Variants in TMEM181 observed in about 807,000 individuals in gnomAD.
TMEM181 encodes G protein-coupled receptor 178.
In TMEM181, 39 loss-of-function variants were observed where a neutral mutation model predicts 71.9. The ratio of observed to expected loss-of-function variants is 0.54; its 90% CI spans 0.42 to 0.71. The LOEUF (loss-of-function observed/expected upper bound fraction) is 0.71, where lower values mean the gene tolerates loss of function less well. TMEM181 is among the 30% of genes least tolerant of loss of function. The probability of loss-of-function intolerance (pLI) is 0.00; values close to 1 mark genes in which losing one functional copy is unlikely to be tolerated. For synonymous variants in TMEM181, 245 were observed against 228.8 expected (o/e 1.07, Z -0.64); for missense variants, 595 against 583.0 (o/e 1.02, Z -0.21).
chr6:158,579,618 C>G (rs1783359298), intron 2 of TMEM181, among the ~76,000 whole-genome samples: 1 of 151,980 alleles, frequency 6.6e-6, no homozygotes, highest in Non-Finnish European at 1.5e-5. Context: ...ACTTGGGAGG[C>G]TGAGGCAGGA....
chr6:158,560,640 C>T (rs1357106645), intron 1 of TMEM181, among the ~76,000 whole-genome samples: 1 of 152,206 alleles, frequency 6.6e-6, no homozygotes, highest in Admixed American at 6.5e-5. Flanking sequence ...GCCCCGTCGT[C>T]CCCTCGGTAT....
At chr6:158,594,548 T>C (rs1784291813) in intron 6 of TMEM181, among the ~76,000 whole-genome samples, 1 of 152,256 alleles carries the variant, frequency 6.6e-6, no homozygotes, top group South Asian at 2.1e-4. Flanking sequence ...AATATTTCAT[T>C]GTCTGGATGT....
chr6:158,626,882 TCACACCCC>T (rs1333841179), intron 13 of TMEM181, among the ~76,000 whole-genome samples: 3 of 141,830 alleles, frequency 2.1e-5, no homozygotes, highest in Non-Finnish European at 3.1e-5. Flanking sequence ...TCTCACACTC[TCACACCCC>T]CACACCTTCA....
At chr6:158,629,877 C>T in intron 15 of TMEM181, 58 bp downstream of exon 15, 1 of 1,392,386 alleles carries the variant, frequency 7.2e-7, no homozygotes, top group East Asian at 2.3e-5. Context: ...GGCCTGTGTT[C>T]ATCCACGACC....
At chr6:158,579,282 G>C (rs937847218) in intron 2 of TMEM181, among the ~76,000 whole-genome samples, 1 of 147,288 alleles carries the variant, frequency 6.8e-6, no homozygotes, top group East Asian at 2.0e-4. Context: ...AAAAAAAGCA[G>C]GGTCTTGATA....
At chr6:158,543,408 T>A (rs1475192455) in intron 1 of TMEM181, among the ~76,000 whole-genome samples, 1 of 152,170 alleles carries the variant, frequency 6.6e-6, no homozygotes. Context: ...TCCCCAGATA[T>A]GGAAGCTGGG....
At chr6:158,577,382 G>A (rs1180632244) in intron 2 of TMEM181, among the ~76,000 whole-genome samples, 1 of 152,202 alleles carries the variant, frequency 6.6e-6, no homozygotes, top group Non-Finnish European at 1.5e-5. Flanking sequence ...TCTGAAGATA[G>A]GACAGTGGAA....
chr6:158,583,346 A>G (rs1456210092), intron 3 of TMEM181, among the ~76,000 whole-genome samples: 1 of 152,094 alleles, frequency 6.6e-6, no homozygotes, highest in African/African-American at 2.4e-5. Flanking sequence ...TTCTTTTTCC[A>G]AGATGGTTTT....
At chr6:158,574,036 G>C (rs373839997) in intron 2 of TMEM181, among the ~76,000 whole-genome samples, 35 of 152,246 alleles carry the variant, frequency 2.3e-4, no homozygotes, top group African/African-American at 7.7e-4. Context: ...GTTTTCACAA[G>C]GTTCCCAGAG....
chr6:158,621,905 G>A (rs777931559), intron 10 of TMEM181, among the ~76,000 whole-genome samples: 2 of 152,190 alleles, frequency 1.3e-5, no homozygotes, highest in Admixed American at 6.5e-5. Context: ...ACCACAAAGG[G>A]CTTTAAGGTC....
At position 158,634,586 on chromosome 6, in the gene TMEM181, CTTGAT is replaced by C. The variant is rs1165728712; in HGVS notation, c.*2701_*2705del. On this transcript the variant is annotated 3_prime_UTR_variant, in exon 17 of 17. Coordinates refer to ENST00000684151, the MANE Select transcript of TMEM181 (RefSeq NM_001376852.1). ...GTTATCCATGTGGATGATAAGTCTGCTTGATTTATTATTAAATCATTATAGCAGTG... is the reference window on the plus strand; with the variant it reads ...GTTATCCATGTGGATGATAAGTCTGCTTATTATTAAATCATTATAGCAGTG... 1 of 152,134 alleles carries C rather than the reference CTTGAT, an allele frequency of 6.6e-6. No individual in the cohort carries two copies. The highest frequency in any genetic ancestry group is 1.5e-5 in the Non-Finnish European group (1 of 68,032). 9.4% of individuals were successfully genotyped at this position (152,134 alleles called of 1,614,324 possible). A position where few individuals can be genotyped will look rare whatever the true frequency, so the allele number is the denominator to read the frequency against.
intron 6 of TMEM181, among the ~76,000 whole-genome samples, chr6:158,602,146 T>C (rs912460994): frequency 2.0e-5 from 3 of 152,224 alleles, no homozygotes; most frequent in African/African-American, 7.2e-5. Flanking sequence ...TTGAGAATTT[T>C]ATGTAACTGG....
intron 7 of TMEM181, 113 bp from the exon 8 acceptor site, chr6:158,607,131 G>T: frequency 1.2e-6 from 1 of 808,134 alleles, no homozygotes; most frequent in East Asian, 2.5e-5. Context: ...TCTTAGTGGG[G>T]CACCTAGACC....
At chr6:158,551,137 T>C (rs1446407329) in intron 1 of TMEM181, among the ~76,000 whole-genome samples, 1 of 151,996 alleles carries the variant, frequency 6.6e-6, no homozygotes, top group Admixed American at 6.6e-5. Flanking sequence ...TTTTTTTGTG[T>C]TTTTAGTAGA....
At chr6:158,544,084 G>A (rs913879151) in intron 1 of TMEM181, among the ~76,000 whole-genome samples, 3 of 152,128 alleles carry the variant, frequency 2.0e-5, no homozygotes, top group African/African-American at 7.2e-5. Context: ...GTGCAGCTGT[G>A]TCTGGATCAG....
intron 6 of TMEM181, among the ~76,000 whole-genome samples, chr6:158,598,530 T>C (rs1242931613): frequency 1.3e-5 from 2 of 152,124 alleles, no homozygotes; most frequent in Non-Finnish European, 2.9e-5. Flanking sequence ...CTGTGCTTAC[T>C]GTACTTTCCT....
intron 1 of TMEM181, among the ~76,000 whole-genome samples, chr6:158,571,984 T>C (rs1188694178): frequency 2.6e-5 from 4 of 152,154 alleles, no homozygotes; most frequent in Non-Finnish European, 5.9e-5. Context: ...TCTTGTCTCA[T>C]GTTTGTGGGT....
At position 158,553,936 on chromosome 6, in the gene TMEM181, T is replaced by C. The variant is rs764385555; in HGVS notation, c.131+17071T>C. Among the ~76,000 whole-genome samples, 22 of 152,030 alleles carry C rather than the reference T, an allele frequency of 1.4e-4. 1 individual carries two copies. Among genetic ancestry groups the C allele is most frequent in the Non-Finnish European group, 2.9e-4 (20 of 67,986 alleles). On this transcript the variant is annotated intron_variant, in intron 1 of 16. Transcript: ENST00000367090. ...TTTATTTTTTTTTTGAGACGGAGTT[T>C]TGCTCTGTTGCCCAGGCTGGAGCGT... is the stretch of plus-strand genomic sequence containing the variant.
At chr6:158,575,262 A>G (rs1029576044) in intron 2 of TMEM181, among the ~76,000 whole-genome samples, 1 of 152,200 alleles carries the variant, frequency 6.6e-6, no homozygotes, top group African/African-American at 2.4e-5. Flanking sequence ...AGTTAGGAGT[A>G]CCTTAGGGAC....
Sources: gnomAD v4.1 joint callset for allele counts (sites outside exome capture counted in the v4.1 genomes callset) on GRCh38, gnomAD v4.1.1 for gene constraint, MANE v1.5 for transcripts, NCBI Gene and HGNC (gene_info 2026-07-23, HGNC 2026-07-21) for gene names.